The following TNFRSF11B variants were observed in gnomAD, a reference collection of about 807,000 sequenced individuals.
The protein encoded by TNFRSF11B is TNF receptor superfamily member 11b, also known as tumor necrosis factor receptor superfamily member 11B.
TNFRSF11B carries 16 observed loss-of-function variants against 43.4 expected under a neutral mutation model. The observed-to-expected ratio is 0.37, with a 90% CI of 0.25 to 0.56. The LOEUF (loss-of-function observed/expected upper bound fraction) is 0.56. TNFRSF11B is among the 20% of genes least tolerant of loss of function. TNFRSF11B has a pLI of 0.80. For synonymous variants in TNFRSF11B, 185 were observed against 181.8 expected (o/e 1.02, Z -0.14); for missense variants, 444 against 490.1 (o/e 0.91, Z 0.89).
chr8:118,938,673 C>T (rs1198801029), intron 1 of TNFRSF11B, among the ~76,000 whole-genome samples: 2 of 152,190 alleles, frequency 1.3e-5, no homozygotes, highest in African/African-American at 4.8e-5. Context: ...CACAGCCTTC[C>T]TGAAGTCCAG....
chr8:118,933,035 C>T lies in TNFRSF11B; in HGVS notation c.296G>A (p.Arg99His), dbSNP rs529894410. 32 of 1,614,130 alleles carry T rather than the reference C, an allele frequency of 2.0e-5. No individual in the cohort carries two copies. The highest frequency in any genetic ancestry group is 6.7e-5 in the East Asian group (3 of 44,854). Residue 99 changes from arginine (R) to histidine (H), a missense_variant, in exon 2 of 5, where the codon CGC becomes CAC. Transcript: ENST00000297350. Reference protein sequence around the residue: ...ELQYVKQECNRTHNRVCECKE... With the variant: ...ELQYVKQECNHTHNRVCECKE... ...GCATTCGCACACGCGGTTGTGGGTG[C>T]GATTGCACTCCTGCTTGACGTACTG...
intron 2 of TNFRSF11B, among the ~76,000 whole-genome samples, chr8:118,932,531 A>C (rs1812343580): frequency 6.6e-6 from 1 of 152,074 alleles, no homozygotes; most frequent in Non-Finnish European, 1.5e-5. Context: ...TATGAGCATA[A>C]TTACTCTCTT....
intron 4 of TNFRSF11B, among the ~76,000 whole-genome samples, chr8:118,926,148 T>C (rs1203904769): frequency 6.6e-6 from 1 of 152,194 alleles, no homozygotes; most frequent in Non-Finnish European, 1.5e-5. Context: ...AAAGTGGTTA[T>C]AGAGCTTCTC....
chr8:118,949,198 A>AC (rs956904840), intron 1 of TNFRSF11B, among the ~76,000 whole-genome samples: 3 of 151,958 alleles, frequency 2.0e-5, no homozygotes, highest in African/African-American at 7.3e-5. Flanking sequence ...CTTTGCACTC[A>AC]CAAAAAGAAT....
intron 2 of TNFRSF11B, chr8:118,929,150 A>T: frequency 3.5e-6 from 2 of 569,656 alleles, no homozygotes; most frequent in South Asian, 4.1e-5. Flanking sequence ...AATGCAAGTC[A>T]ATTTTCTCGT....
At chr8:118,950,264 C>G (rs546698209) in intron 1 of TNFRSF11B, among the ~76,000 whole-genome samples, 2 of 152,270 alleles carry the variant, frequency 1.3e-5, no homozygotes, top group East Asian at 3.9e-4. Context: ...ATTATTTATA[C>G]TAGCCCAAAA....
rs766836970 is a variant in TNFRSF11B, at chr8:118,926,688, C to T, written c.623G>A (p.Arg208Lys). The change falls in exon 4 of 5, where the codon AGG becomes AAG. Residue 208 changes from arginine (R) to lysine (K), a missense_variant. Physicochemically the swap from Arg to Lys is conservative, Grantham distance 26. Coordinates refer to ENST00000297350, the MANE Select transcript of TNFRSF11B (RefSeq NM_002546.4). ...DVTLCEEAFF[R>K]FAVPTKFTPN... ...CGTAAACTTTGTAGGAACAGCAAAC[C>T]TGAAGAATGCCTCCTCACACAGGGT... 1 of 1,613,924 alleles carries T rather than the reference C, an allele frequency of 6.2e-7. No individual in the cohort carries two copies.
intron 1 of TNFRSF11B, among the ~76,000 whole-genome samples, chr8:118,943,861 T>C (rs1278824004): frequency 6.6e-6 from 1 of 152,144 alleles, no homozygotes; most frequent in Non-Finnish European, 1.5e-5. Context: ...ATAGGGTGTT[T>C]GATTTGGAGT....
chr8:118,940,090 A>C (rs1586958630), intron 1 of TNFRSF11B, among the ~76,000 whole-genome samples: 1 of 152,212 alleles, frequency 6.6e-6, no homozygotes, highest in East Asian at 1.9e-4. Flanking sequence ...ACAGAAAACA[A>C]AACACCCCAT....
intron 1 of TNFRSF11B, among the ~76,000 whole-genome samples, chr8:118,935,606 G>T (rs989410749): frequency 1.3e-5 from 2 of 152,070 alleles, no homozygotes; most frequent in African/African-American, 4.8e-5. Flanking sequence ...ATATATAGGA[G>T]AATTATATAT....
At chr8:118,925,850 C>T in intron 4 of TNFRSF11B, among the ~76,000 whole-genome samples, 1 of 152,186 alleles carries the variant, frequency 6.6e-6, no homozygotes, top group South Asian at 2.1e-4. Flanking sequence ...ACTTCTCTCC[C>T]TATCTCTCTC....
chr8:118,926,473 TTTTA>T lies in TNFRSF11B; in HGVS notation c.817+17_817+20del. 1 of 1,596,936 alleles carries T rather than the reference TTTTA, an allele frequency of 6.3e-7. No homozygotes were observed. The highest frequency in any genetic ancestry group is 1.1e-5 in the South Asian group (1 of 90,732). ...GGTGTCTTTGATTTCTGATTGATCT[TTTTA>T]TTTTAGATTATCATACCTTGGATGA... On this transcript the variant is annotated intron_variant, in intron 4 of 4. Coordinates refer to ENST00000297350, the MANE Select transcript of TNFRSF11B (RefSeq NM_002546.4).
At chr8:118,936,884 AT>A (rs2129904534) in intron 1 of TNFRSF11B, among the ~76,000 whole-genome samples, 1 of 152,166 alleles carries the variant, frequency 6.6e-6, no homozygotes, top group Non-Finnish European at 1.5e-5. Context: ...GAATTAAATG[AT>A]TTTCTTTCTG....
chr8:118,925,601 T>C (rs192831884), intron 4 of TNFRSF11B, among the ~76,000 whole-genome samples: 1 of 152,232 alleles, frequency 6.6e-6, no homozygotes, highest in Non-Finnish European at 1.5e-5. Context: ...CTAAAATCTG[T>C]TGCCCCGGTT....
Position 118,924,354 on chromosome 8 carries a change from A to G in TNFRSF11B, c.*20T>C, listed in dbSNP as rs1451634341. Reference sequence around the variant, plus strand: ...GGGATCTCGCCAATTGTGAGGAAACAGCTCAATGGCCATTTCCAGTTATAA... The same window carrying G: ...GGGATCTCGCCAATTGTGAGGAAACGGCTCAATGGCCATTTCCAGTTATAA... On this transcript the variant is annotated 3_prime_UTR_variant, in exon 5 of 5. Transcript: ENST00000297350. 1.9e-6 allele frequency: 3 copies of G among 1,613,566 alleles called. No individual in the cohort carries two copies. Among genetic ancestry groups the G allele is most frequent in the Non-Finnish European group, 2.5e-6 (3 of 1,179,730 alleles).
intron 3 of TNFRSF11B, among the ~76,000 whole-genome samples, chr8:118,927,548 TTCA>T (rs1812260107): frequency 1.1e-5 from 1 of 90,584 alleles, no homozygotes. Flanking sequence ...TACCCCTTCC[TTCA>T]TTTTTTTTTT....
intron 3 of TNFRSF11B, among the ~76,000 whole-genome samples, chr8:118,927,870 C>T (rs998328429): frequency 6.6e-6 from 1 of 152,118 alleles, no homozygotes; most frequent in Admixed American, 6.5e-5. Flanking sequence ...GTCATCACTA[C>T]CGTGGAATGC....
In TNFRSF11B at chr8:118,935,746, T is replaced by C. The variant is rs546459032; in HGVS notation, c.31-2446A>G. 4.6e-5 allele frequency among the ~76,000 whole-genome samples: 7 copies of C among 152,304 alleles called. No individual in the cohort carries two copies. The East Asian group carries it at 1.3e-3, about 29-fold the overall frequency. Reference sequence around the variant, plus strand: ...GTTTTCTCTTGCTGTTCACATTCAGTTTCCTGGAAAGCCACTTTTGAGAGT... The same window carrying C: ...GTTTTCTCTTGCTGTTCACATTCAGCTTCCTGGAAAGCCACTTTTGAGAGT... On this transcript the variant is annotated intron_variant, in intron 1 of 4. Transcript: ENST00000297350.
intron 1 of TNFRSF11B, 75 bp downstream of exon 1, chr8:118,951,717 G>T: frequency 1.4e-6 from 2 of 1,423,112 alleles, no homozygotes; most frequent in Non-Finnish European, 1.9e-6. Flanking sequence ...CCGCCGGTCC[G>T]CTGGGAGGTT....
Sources: allele counts gnomAD v4.1 joint callset (sites outside exome capture counted in the v4.1 genomes callset), GRCh38; gene constraint gnomAD v4.1.1; transcripts MANE v1.5; gene names NCBI Gene and HGNC (gene_info 2026-07-23, HGNC 2026-07-21).